The following KCNQ3 variants were observed in gnomAD, a reference collection of about 807,000 sequenced individuals.
KCNQ3 encodes potassium voltage-gated channel subfamily Q member 3.
In KCNQ3, 30 loss-of-function variants were observed where a neutral mutation model predicts 92.5. That is an observed-to-expected ratio of 0.32 (90% confidence interval 0.24 to 0.44). The LOEUF is 0.44. Ranked by LOEUF, KCNQ3 falls within the 20% of genes least tolerant of loss-of-function variation. The probability of loss-of-function intolerance (pLI) is 1.00; values close to 1 mark genes in which losing one functional copy is unlikely to be tolerated. For synonymous variants in KCNQ3, 450 were observed against 468.8 expected, an observed-to-expected ratio of 0.96 and a Z score of 0.52; for missense variants, 913 against 1,140.3, an observed-to-expected ratio of 0.80 and a Z score of 2.87.
intron 1 of KCNQ3, among the ~76,000 whole-genome samples, chr8:132,216,591 C>T (rs140633759): frequency 1.3e-5 from 2 of 152,090 alleles, no homozygotes; most frequent in Non-Finnish European, 2.9e-5. Flanking sequence ...ATCTGGGTTT[C>T]GAAATTTTGA....
chr8:132,154,223 T>TTTTTTTTTTTTTTTTTTTC (rs1825737377), intron 9 of KCNQ3, among the ~76,000 whole-genome samples: 3 of 131,788 alleles, frequency 2.3e-5, no homozygotes, highest in African/African-American at 2.8e-5. Flanking sequence ...TTTTTTTTTT[T>TTTTTTTTTTTTTTTTTTTC]AGCCAATCAG....
intron 1 of KCNQ3, among the ~76,000 whole-genome samples, chr8:132,453,934 T>C (rs1821882718): frequency 6.6e-6 from 1 of 152,184 alleles, no homozygotes. Context: ...CCAATGCCAG[T>C]GTTCGCATCT....
chr8:132,197,507 G>A (rs1827331803), intron 1 of KCNQ3, among the ~76,000 whole-genome samples: 1 of 152,194 alleles, frequency 6.6e-6, no homozygotes, highest in Admixed American at 6.5e-5. Context: ...CCATTAGCTA[G>A]GAACTTCCAG....
At chr8:132,155,981 G>A (rs987601882) in intron 9 of KCNQ3, among the ~76,000 whole-genome samples, 1 of 152,092 alleles carries the variant, frequency 6.6e-6, no homozygotes, top group Non-Finnish European at 1.5e-5. Context: ...TGCTGAACTC[G>A]AAGGCCTGTT....
chr8:132,301,106 C>T (rs1472683672), intron 1 of KCNQ3, among the ~76,000 whole-genome samples: 1 of 152,162 alleles, frequency 6.6e-6, no homozygotes, highest in Non-Finnish European at 1.5e-5. Context: ...CGATTCATCA[C>T]TCTTCCCTTG....
At chr8:132,167,192 T>A (rs923958304) in intron 8 of KCNQ3, among the ~76,000 whole-genome samples, 2 of 152,172 alleles carry the variant, frequency 1.3e-5, no homozygotes, top group Non-Finnish European at 2.9e-5. Flanking sequence ...CAATATATCA[T>A]ATGATTTCAT....
intron 1 of KCNQ3, among the ~76,000 whole-genome samples, chr8:132,424,840 C>T (rs1419774935): frequency 6.6e-6 from 1 of 152,204 alleles, no homozygotes; most frequent in African/African-American, 2.4e-5. Context: ...CCCCTCTCTC[C>T]ATGTGTCTCA....
intron 1 of KCNQ3, among the ~76,000 whole-genome samples, chr8:132,275,773 T>A (rs555644867): frequency 6.6e-6 from 1 of 152,206 alleles, no homozygotes; most frequent in South Asian, 2.1e-4. Context: ...GAAACGGGGT[T>A]TCACTGTGTT....
intron 7 of KCNQ3, among the ~76,000 whole-genome samples, chr8:132,170,734 C>T (rs528564169): frequency 6.6e-5 from 10 of 151,654 alleles, no homozygotes; most frequent in African/African-American, 2.4e-4. Context: ...TACTAAAGGC[C>T]GGTGCTATGG....
At position 132,170,445 on chromosome 8, in the gene KCNQ3, A is replaced by T. The variant is rs2130109802; in HGVS notation, c.1141-17T>A. On this transcript the variant is annotated splice_polypyrimidine_tract_variant and intron_variant, in intron 7 of 14. Transcript: ENST00000388996. Reference sequence around the variant, plus strand: ...CCAGGCAGCCTGAGGGGCAGAAAAGAGGGGCAACAATGAGTGGGCACCACC... The same window carrying T: ...CCAGGCAGCCTGAGGGGCAGAAAAGTGGGGCAACAATGAGTGGGCACCACC... The T allele has an allele frequency of 6.4e-7, 1 of 1,569,346 alleles. No individual in the cohort carries two copies. Among genetic ancestry groups the T allele is most frequent in the Non-Finnish European group, 8.8e-7 (1 of 1,139,630 alleles).
chr8:132,434,132 C>T (rs1284446996), intron 1 of KCNQ3, among the ~76,000 whole-genome samples: 4 of 148,508 alleles, frequency 2.7e-5, no homozygotes, highest in Admixed American at 6.7e-5. Flanking sequence ...GGCGTGAACC[C>T]GGGAGGCGGA....
intron 10 of KCNQ3, 53 bp downstream of exon 10, chr8:132,141,076 A>T: frequency 1.3e-6 from 2 of 1,521,728 alleles, no homozygotes; most frequent in Non-Finnish European, 1.8e-6. Flanking sequence ...AAGGAAGTGG[A>T]CTTGGGGGAG....
At position 132,127,934 on chromosome 8, in the gene KCNQ3, T is replaced by C. The variant is rs187031623; in HGVS notation, c.*1328A>G. The C allele has an allele frequency of 6.6e-6, 1 of 152,332 alleles. No individual in the cohort carries two copies. The highest frequency in any genetic ancestry group is 2.4e-5 in the African/African-American group (1 of 41,568). The allele number at this position is 152,332 out of a possible 1,614,324, so 9.4% of individuals were successfully genotyped here. A position where few individuals can be genotyped will look rare whatever the true frequency, so the allele number is the denominator to read the frequency against. On this transcript the variant is annotated 3_prime_UTR_variant, in exon 15 of 15. Coordinates refer to ENST00000388996, the MANE Select transcript of KCNQ3 (RefSeq NM_004519.4). ...AAAAATCTGGGTTGGTTCCATAAAT[T>C]TGGAAAAGTAAAATTGGACGGTTCT...
intron 13 of KCNQ3, among the ~76,000 whole-genome samples, chr8:132,133,723 C>T (rs965599193): frequency 1.3e-5 from 2 of 152,180 alleles, no homozygotes; most frequent in African/African-American, 4.8e-5. Context: ...ATTGTGTTAC[C>T]TGCCTTGAAG....
At chr8:132,429,861 CAAAAAAA>C (rs374921143) in intron 1 of KCNQ3, among the ~76,000 whole-genome samples, 7 of 64,102 alleles carry the variant, frequency 1.1e-4, no homozygotes, top group Non-Finnish European at 2.3e-4. Flanking sequence ...AACTCCTTCT[CAAAAAAA>C]AAAAAAAAAA....
At chr8:132,379,695 CTTAATT>C (rs1338596451) in intron 1 of KCNQ3, among the ~76,000 whole-genome samples, 1 of 152,118 alleles carries the variant, frequency 6.6e-6, no homozygotes, top group African/African-American at 2.4e-5. Flanking sequence ...ATAGAACGTC[CTTAATT>C]TTAATTGCAT....
At chr8:132,290,248 T>C (rs1048894581) in intron 1 of KCNQ3, among the ~76,000 whole-genome samples, 1 of 152,192 alleles carries the variant, frequency 6.6e-6, no homozygotes, top group African/African-American at 2.4e-5. Context: ...TGTCTTGTAT[T>C]CCTTGAGGTC....
intron 4 of KCNQ3, among the ~76,000 whole-genome samples, chr8:132,178,783 C>T (rs1826652800): frequency 6.6e-6 from 1 of 151,772 alleles, no homozygotes; most frequent in East Asian, 1.9e-4. Flanking sequence ...GTGGCATGGT[C>T]ACGTTAACAT....
At chr8:132,180,839 A>AAAAAAAACAAAAC (rs1554628319) in intron 3 of KCNQ3, among the ~76,000 whole-genome samples, 7 of 150,280 alleles carry the variant, frequency 4.7e-5, no homozygotes, top group Non-Finnish European at 8.9e-5. Flanking sequence ...GAATGTTAAA[A>AAAAAAAACAAAAC]AAAAAAAAAA....
Sources: gnomAD v4.1 joint callset for allele counts (sites outside exome capture counted in the v4.1 genomes callset) on GRCh38, gnomAD v4.1.1 for gene constraint, MANE v1.5 for transcripts, NCBI Gene and HGNC (gene_info 2026-07-23, HGNC 2026-07-21) for gene names.